The following PCDHA4 variants were observed in gnomAD, a reference collection of about 807,000 sequenced individuals.
The protein encoded by PCDHA4 is protocadherin alpha-4.
A neutral mutation model predicts 61.4 loss-of-function variants in PCDHA4; 49 were observed. The ratio of observed to expected loss-of-function variants is 0.80; its 90% CI spans 0.63 to 1.01. The LOEUF (loss-of-function observed/expected upper bound fraction) is 1.01, where lower values mean the gene tolerates loss of function less well. PCDHA4 is among the 50% of genes least tolerant of loss of function. The pLI is 0.00. For synonymous variants in PCDHA4, 590 were observed against 550.3 expected (o/e 1.07, Z -1.01); for missense variants, 1,254 against 1,235.8 (o/e 1.01, Z -0.22).
intron 1 of PCDHA4, chr5:140,926,342 G>T (rs1238404747): frequency 6.6e-6 from 1 of 152,270 alleles, no homozygotes; most frequent in Admixed American, 6.5e-5. Flanking sequence ...GCCGGGACCC[G>T]ACGCGCGGCT....
At chr5:140,932,633 A>T (rs1192123242) in intron 1 of PCDHA4, among the ~76,000 whole-genome samples, 1 of 151,912 alleles carries the variant, frequency 6.6e-6, no homozygotes, top group African/African-American at 2.4e-5. Flanking sequence ...ACACTAAAAA[A>T]CTTTAGAATG....
intron 1 of PCDHA4, among the ~76,000 whole-genome samples, chr5:140,913,757 T>C (rs577091404): frequency 6.6e-6 from 1 of 152,282 alleles, no homozygotes; most frequent in South Asian, 2.1e-4. Context: ...TTGTATCTCA[T>C]AGGTTTTGGC....
chr5:140,876,970 G>C, intron 1 of PCDHA4: 1 of 1,612,850 alleles, frequency 6.2e-7, no homozygotes. Context: ...GCGGCGGGTG[G>C]GCGAGCACGC....
chr5:140,920,722 C>T (rs2079784294), intron 1 of PCDHA4, among the ~76,000 whole-genome samples: 1 of 151,872 alleles, frequency 6.6e-6, no homozygotes, highest in Non-Finnish European at 1.5e-5. Context: ...TGTGCGCCTG[C>T]AGTCCCAGCT....
intron 1 of PCDHA4, among the ~76,000 whole-genome samples, chr5:140,920,858 A>G (rs1182817298): frequency 6.6e-6 from 1 of 151,604 alleles, no homozygotes; most frequent in Non-Finnish European, 1.5e-5. Flanking sequence ...AAAAAAAAAA[A>G]CAAACAAACT....
At chr5:140,991,205 A>C (rs1403144779) in intron 3 of PCDHA4, among the ~76,000 whole-genome samples, 3 of 152,226 alleles carry the variant, frequency 2.0e-5, no homozygotes, top group Admixed American at 2.0e-4. Context: ...TGCTCAATAA[A>C]TTTTGTTAAA....
At chr5:141,003,680 T>C (rs1167133667) in intron 3 of PCDHA4, among the ~76,000 whole-genome samples, 1 of 152,198 alleles carries the variant, frequency 6.6e-6, no homozygotes, top group African/African-American at 2.4e-5. Flanking sequence ...GTTGTTCTGA[T>C]TTTAAAATAT....
At chr5:140,825,764 T>C (rs1329877906) in intron 1 of PCDHA4, 5 of 152,510 alleles carry the variant, frequency 3.3e-5, no homozygotes, top group African/African-American at 4.8e-5. Flanking sequence ...ATCTCCTCAG[T>C]TGTGCAAATT....
rs112291126 is a variant in PCDHA4, at chr5:140,807,661, G to C, written c.474G>C (p.Ser158=). The C allele has an allele frequency of 6.2e-6, 10 of 1,614,194 alleles. No individual in the cohort carries two copies. The highest frequency in any genetic ancestry group is 2.2e-5 in the East Asian group (1 of 44,888). Residue 158 remains serine (S), a synonymous_variant, in exon 1 of 4, where the codon TCG becomes TCC. Transcript: ENST00000530339. ...LDSRFPLEGA[S]DADIGENALL... ...CTCGGTTTCCACTAGAGGGCGCCTC[G>C]GATGCAGATATCGGGGAGAACGCCC...
At chr5:140,871,113 G>A (rs782238733) in intron 1 of PCDHA4, 24 of 1,613,188 alleles carry the variant, frequency 1.5e-5, no homozygotes, top group South Asian at 7.7e-5. Flanking sequence ...CGTTGGTGGA[G>A]AGCGGACAGG....
At chr5:140,888,394 C>T (rs1554183448) in intron 1 of PCDHA4, among the ~76,000 whole-genome samples, 2 of 152,134 alleles carry the variant, frequency 1.3e-5, no homozygotes, top group African/African-American at 2.4e-5. Flanking sequence ...TGCTAAACAC[C>T]ATCCAATTGC....
chr5:140,938,385 A>G (rs952402645), intron 1 of PCDHA4, among the ~76,000 whole-genome samples: 8 of 152,202 alleles, frequency 5.3e-5, no homozygotes, highest in Admixed American at 2.6e-4. Flanking sequence ...TAAATATTTA[A>G]TATGAAATAC....
intron 1 of PCDHA4, chr5:140,876,444 T>A (rs1554168564): frequency 6.2e-7 from 1 of 1,613,996 alleles, no homozygotes; most frequent in Non-Finnish European, 8.5e-7. Context: ...ACGCCATTGA[T>A]AAAGGGATTC....
intron 1 of PCDHA4, chr5:140,850,611 G>C (rs1353719119): frequency 6.3e-7 from 1 of 1,598,588 alleles, no homozygotes; most frequent in Non-Finnish European, 8.6e-7. Flanking sequence ...CGCCATCTGC[G>C]CGGTGTCTAG....
chr5:140,943,129 G>T (rs2093422146), intron 1 of PCDHA4, among the ~76,000 whole-genome samples: 1 of 151,684 alleles, frequency 6.6e-6, no homozygotes, highest in South Asian at 2.1e-4. Flanking sequence ...GTGGTAGTGG[G>T]TGCCTGTAGT....
chr5:140,869,312 C>G (rs782161322), intron 1 of PCDHA4: 14 of 1,613,636 alleles, frequency 8.7e-6, no homozygotes, highest in Admixed American at 3.3e-5. Flanking sequence ...GCGTCCAAAA[C>G]ACATGGGGAC....
In PCDHA4 at chr5:140,850,187, G is replaced by A. The variant is rs2150472147; in HGVS notation, c.2385+40615G>A. ...TGGACGAGAACGACAATGCGCCGGC[G>A]CTGCTGACACCTCGGATGAGGGGCA... On this transcript the variant is annotated intron_variant, in intron 1 of 3. Coordinates refer to ENST00000530339, the MANE Select transcript of PCDHA4 (RefSeq NM_018907.4). 27 of 1,593,150 alleles carry A rather than the reference G, an allele frequency of 1.7e-5. 2 individuals are homozygous for A. In the Admixed American group the frequency reaches 3.4e-4, roughly 20 times the overall value.
chr5:140,857,255 T>C (rs1307623486), intron 1 of PCDHA4: 1 of 1,598,356 alleles, frequency 6.3e-7, no homozygotes, highest in Non-Finnish European at 8.6e-7. Context: ...CTACAAGAAT[T>C]ACTACTCATT....
intron 1 of PCDHA4, among the ~76,000 whole-genome samples, chr5:140,871,977 C>T (rs533366368): frequency 6.6e-6 from 1 of 152,288 alleles, no homozygotes; most frequent in East Asian, 1.9e-4. Flanking sequence ...CTATGATGTC[C>T]AGGTTGGACT....
Sources: allele counts gnomAD v4.1 joint callset (sites outside exome capture counted in the v4.1 genomes callset), GRCh38; gene constraint gnomAD v4.1.1; transcripts MANE v1.5; gene names NCBI Gene and HGNC (gene_info 2026-07-23, HGNC 2026-07-21).